CLTCL1: variants seen among roughly 807,000 people sequenced by gnomAD.
CLTCL1 encodes the protein clathrin heavy chain like 1.
A neutral mutation model predicts 190.0 loss-of-function variants in CLTCL1; 159 were observed. That is an observed-to-expected ratio of 0.84 (90% confidence interval 0.74 to 0.95). The LOEUF (loss-of-function observed/expected upper bound fraction) is 0.95, where lower values mean the gene tolerates loss of function less well. CLTCL1 is among the 40% of genes least tolerant of loss of function. CLTCL1 has a pLI of 0.00. For synonymous variants in CLTCL1, 752 were observed against 769.6 expected, an observed-to-expected ratio of 0.98 and a Z score of 0.38; for missense variants, 1,878 against 2,033.4, an observed-to-expected ratio of 0.92 and a Z score of 1.47.
At chr22:19,227,141 A>G (rs2085771183) in intron 11 of CLTCL1, among the ~76,000 whole-genome samples, 1 of 151,998 alleles carries the variant, frequency 6.6e-6, no homozygotes, top group Non-Finnish European at 1.5e-5. Context: ...CAATGACCAG[A>G]AGGAGACCTG....
At chr22:19,240,544 G>A (rs1020867757) in intron 4 of CLTCL1, among the ~76,000 whole-genome samples, 1 of 152,224 alleles carries the variant, frequency 6.6e-6, no homozygotes, top group Non-Finnish European at 1.5e-5. Context: ...TGTGGGGACA[G>A]AAGTCTGTGG....
intron 6 of CLTCL1, among the ~76,000 whole-genome samples, chr22:19,235,271 G>A (rs963791201): frequency 2.0e-5 from 3 of 152,064 alleles, no homozygotes; most frequent in Non-Finnish European, 4.4e-5. Flanking sequence ...CTGGGCTCAA[G>A]CCATCCTCCT....
At chr22:19,257,766 G>A in intron 2 of CLTCL1, 2 of 1,396,148 alleles carry the variant, frequency 1.4e-6, no homozygotes, top group South Asian at 2.3e-5. Flanking sequence ...GAATGAGAAG[G>A]AGACCATGCA....
At chr22:19,209,575 C>A (rs562144438) in intron 20 of CLTCL1, among the ~76,000 whole-genome samples, 3 of 152,276 alleles carry the variant, frequency 2.0e-5, no homozygotes, top group Non-Finnish European at 4.4e-5. Flanking sequence ...GAGGTGGTGG[C>A]AGTATCAGCT....
intron 4 of CLTCL1, 22 bp downstream of exon 4, chr22:19,242,752 GA>G: frequency 8.1e-6 from 13 of 1,613,678 alleles, no homozygotes; most frequent in Non-Finnish European, 1.1e-5. Context: ...TTCTCAGGGA[GA>G]AGACAGTAGA....
chr22:19,287,105 T>A (rs2087933839), intron 1 of CLTCL1, among the ~76,000 whole-genome samples: 1 of 152,196 alleles, frequency 6.6e-6, no homozygotes, highest in Non-Finnish European at 1.5e-5. Context: ...CAGCCATTCC[T>A]CTTCTGAATC....
intron 2 of CLTCL1, chr22:19,258,013 TAGAGTCAAGTATG>T: frequency 1.9e-6 from 1 of 533,416 alleles, no homozygotes; most frequent in Non-Finnish European, 3.6e-6. Flanking sequence ...CTGCTGACTT[TAGAGTCAAGTATG>T]AGACAGAGCT....
Position 19,208,902 on chromosome 22 carries a change from G to C in CLTCL1, c.3442+20C>G. On this transcript the variant is annotated intron_variant, in intron 21 of 32. Transcript: ENST00000427926. ...TGCATCAGTGAGATGCAGAGCCCTA[G>C]GGAGAGGGGACTCACTTACTGCTCC... 2 of 1,584,254 alleles carry C rather than the reference G, an allele frequency of 1.3e-6. No individual in the cohort carries two copies. The highest frequency in any genetic ancestry group is 3.9e-4 in the Middle Eastern group (2 of 5,116).
intron 1 of CLTCL1, among the ~76,000 whole-genome samples, chr22:19,283,376 AC>A (rs2087792182): frequency 1.3e-5 from 2 of 150,188 alleles, no homozygotes; most frequent in South Asian, 4.2e-4. Flanking sequence ...TGCCTCCCAC[AC>A]TCAACCGATT....
At position 19,256,725 on chromosome 22, in the gene CLTCL1, C is replaced by T. The variant is rs542234504; in HGVS notation, c.251-2498G>A. Among the ~76,000 whole-genome samples the T allele has an allele frequency of 4.6e-5, 7 of 151,912 alleles. No individual in the cohort carries two copies. The South Asian group carries it at 1.5e-3, about 32-fold the overall frequency. ...ATGCTGCCCAGGCTGGTCTCAAACT[C>T]CTGGCCTCATGCAATCCTTCCATCT... On this transcript the variant is annotated intron_variant, in intron 2 of 32. Coordinates refer to ENST00000427926, the MANE Select transcript of CLTCL1 (RefSeq NM_007098.4).
At chr22:19,275,928 AAAGTTAACATTAGGTAAACACTTG>A (rs60313359) in intron 1 of CLTCL1, 98 bp from the exon 2 acceptor site, 84,685 of 1,058,280 alleles carry the variant, frequency 0.08, 3,541 homozygotes, top group Middle Eastern at 0.13. Flanking sequence ...AATTTAGAAA[AAAGTTAACATTAGGTAAACACTTG>A]AAGGAAACAT....
intron 2 of CLTCL1, among the ~76,000 whole-genome samples, chr22:19,264,019 G>A (rs1389904588): frequency 1.3e-5 from 2 of 152,092 alleles, no homozygotes; most frequent in Non-Finnish European, 2.9e-5. Context: ...AATGACCCAC[G>A]TGGAGTGGTT....
intron 5 of CLTCL1, among the ~76,000 whole-genome samples, chr22:19,238,119 C>A (rs1222129000): frequency 6.6e-6 from 1 of 151,934 alleles, no homozygotes; most frequent in African/African-American, 2.4e-5. Flanking sequence ...TGAAGTCTTG[C>A]TCCAGGCCGC....
chr22:19,258,504 T>G, intron 2 of CLTCL1: 1 of 510,622 alleles, frequency 2.0e-6, no homozygotes, highest in South Asian at 1.7e-5. Context: ...GGTGGAGGCC[T>G]GCTATACCAC....
In CLTCL1 at chr22:19,290,322, A is replaced by G. The variant is rs566525570; in HGVS notation, c.42+1278T>C. Among the ~76,000 whole-genome samples the G allele has an allele frequency of 8.5e-5, 13 of 152,342 alleles. No individual in the cohort carries two copies. In the East Asian group the frequency reaches 1.4e-3, roughly 16 times the overall value. ...TCAGTGACCCATGGTAGAAAACAGG[A>G]TATCACTATCTGCCTCAGTTATCAT... On this transcript the variant is annotated intron_variant, in intron 1 of 32. Coordinates refer to ENST00000427926, the MANE Select transcript of CLTCL1 (RefSeq NM_007098.4).
chr22:19,183,804 G>A (rs185556130), intron 29 of CLTCL1, 193 bp from the exon 30 acceptor site: 50 of 606,734 alleles, frequency 8.2e-5, no homozygotes, highest in Admixed American at 6.0e-4. Context: ...TGCCACCTCC[G>A]GAGGCTCTGG....
intron 13 of CLTCL1, 23 bp from the exon 14 acceptor site, chr22:19,224,077 T>G: frequency 6.2e-7 from 1 of 1,613,040 alleles, no homozygotes. Context: ...ACCATTCCAT[T>G]TTTGTCCTTG....
chr22:19,180,162 G>A, intron 32 of CLTCL1, 37 bp downstream of exon 32: 1 of 1,592,256 alleles, frequency 6.3e-7, no homozygotes, highest in Non-Finnish European at 8.6e-7. Context: ...ACCTGGCCTG[G>A]CTAGAGGATA....
In CLTCL1 at chr22:19,242,763, A is replaced by G; in HGVS notation, c.681+12T>C. 2.5e-6 allele frequency: 4 copies of G among 1,613,856 alleles called. No homozygotes were observed. Among genetic ancestry groups the G allele is most frequent in the Non-Finnish European group, 3.4e-6 (4 of 1,179,832 alleles). The stretch of plus-strand genomic sequence containing the variant: ...ACTTTTCTCAGGGAGAAGACAGTAG[A>G]GTGGATCTTACCTTGCCTCCTGTGG... On this transcript the variant is annotated intron_variant, in intron 4 of 32. Coordinates refer to ENST00000427926, the MANE Select transcript of CLTCL1 (RefSeq NM_007098.4).
Sources: gnomAD v4.1 joint callset for allele counts (sites outside exome capture counted in the v4.1 genomes callset) on GRCh38, gnomAD v4.1.1 for gene constraint, MANE v1.5 for transcripts, NCBI Gene and HGNC (gene_info 2026-07-23, HGNC 2026-07-21) for gene names.